The following RAD54L2 variants were observed in gnomAD, a reference collection of about 807,000 sequenced individuals.
RAD54L2 encodes RAD54 like 2.
In RAD54L2, 27 loss-of-function variants were observed where a neutral mutation model predicts 138.4. That is an observed-to-expected ratio of 0.20 (90% CI 0.14 to 0.27). RAD54L2 has a LOEUF of 0.27. Ranked by LOEUF, RAD54L2 falls within the 10% of genes least tolerant of loss-of-function variation. The pLI, the probability that RAD54L2 is intolerant of heterozygous loss-of-function variation, is 1.00. For synonymous variants in RAD54L2, 644 were observed against 723.2 expected, an observed-to-expected ratio of 0.89 and a Z score of 1.76; for missense variants, 1,396 against 1,890.2, an observed-to-expected ratio of 0.74 and a Z score of 4.85.
chr3:51,625,254 A>G (rs910382535), intron 3 of RAD54L2, among the ~76,000 whole-genome samples: 1 of 152,102 alleles, frequency 6.6e-6, no homozygotes, highest in Admixed American at 6.5e-5. Flanking sequence ...CCCCATCTCT[A>G]CTAAAAATAC....
intron 1 of RAD54L2, chr3:51,541,180 G>C (rs1409328602): frequency 6.6e-6 from 1 of 152,068 alleles, no homozygotes; most frequent in Non-Finnish European, 1.5e-5. Context: ...CATTTTGTTA[G>C]TGGTAGTTCC....
intron 2 of RAD54L2, among the ~76,000 whole-genome samples, chr3:51,585,021 G>T (rs1476977923): frequency 6.6e-6 from 1 of 151,240 alleles, no homozygotes; most frequent in African/African-American, 2.4e-5. Context: ...GCCCAGCCCA[G>T]GCTGGTCTCA....
rs1455796767 is a variant in RAD54L2, at chr3:51,663,181, C to T, written c.4165C>T (p.Pro1389Ser). 6 of 1,614,022 alleles carry T rather than the reference C, an allele frequency of 3.7e-6. No homozygotes were observed. In the Admixed American group the frequency reaches 6.7e-5, roughly 18 times the overall value. ...CAGCTATTCACTCCCATTCTCACAG[C>T]CACTCCTGTCCGAGCCGAGGATGTT... ...LPSYSLPFSQ[P>S]LLSEPRMFAP... Residue 1389 changes from proline to serine, a missense_variant, in exon 23 of 23, where the codon CCA (proline) becomes TCA (serine). Around this residue, in one of 7 missense-constraint regions of RAD54L2, gnomAD observed 634 missense variants for 711.2 expected, o/e 0.89. Coordinates refer to ENST00000684192, the MANE Select transcript of RAD54L2 (RefSeq NM_015106.4).
chr3:51,555,015 G>T (rs546430473), intron 2 of RAD54L2, among the ~76,000 whole-genome samples: 1 of 151,934 alleles, frequency 6.6e-6, no homozygotes, highest in African/African-American at 2.4e-5. Context: ...GCTAATTTTT[G>T]TATTTTTTAT....
intron 2 of RAD54L2, among the ~76,000 whole-genome samples, chr3:51,585,696 T>C (rs1699693904): frequency 6.6e-6 from 1 of 152,202 alleles, no homozygotes; most frequent in Non-Finnish European, 1.5e-5. Context: ...TCTTCATAAT[T>C]ACAGCCTCCT....
chr3:51,576,858 G>T (rs569287823), intron 2 of RAD54L2, among the ~76,000 whole-genome samples: 83 of 151,812 alleles, frequency 5.5e-4, no homozygotes, highest in South Asian at 8.3e-4. Context: ...CTTCAGTTCT[G>T]CTCTGATCTA....
intron 2 of RAD54L2, 83 bp from the exon 3 acceptor site, chr3:51,590,284 C>A: frequency 9.4e-7 from 1 of 1,064,034 alleles, no homozygotes; most frequent in Non-Finnish European, 1.3e-6. Flanking sequence ...AGCCACTGTG[C>A]CCAGCTAGCA....
chr3:51,540,251 T>G (rs1345147748), intron 1 of RAD54L2, among the ~76,000 whole-genome samples: 2 of 152,238 alleles, frequency 1.3e-5, no homozygotes, highest in Non-Finnish European at 2.9e-5. Context: ...TTAAATGGTC[T>G]TTCCATCCTT....
intron 3 of RAD54L2, among the ~76,000 whole-genome samples, chr3:51,612,922 A>C (rs1159826636): frequency 6.6e-6 from 1 of 152,060 alleles, no homozygotes; most frequent in African/African-American, 2.4e-5. Context: ...ATTTTAGTAG[A>C]AAAGGCATGT....
At position 51,625,693 on chromosome 3, in the gene RAD54L2, T is replaced by C. The variant is rs188003165; in HGVS notation, c.140-1860T>C. Among the ~76,000 whole-genome samples, 17 of 151,516 alleles carry C rather than the reference T, an allele frequency of 1.1e-4. No homozygotes were observed. In the East Asian group the frequency reaches 3.1e-3, roughly 28 times the overall value. On this transcript the variant is annotated intron_variant, in intron 3 of 22. Coordinates refer to ENST00000684192, the MANE Select transcript of RAD54L2 (RefSeq NM_015106.4). ...GGCCAACATATCGAGACCTTGTCTCTACAAAAAAGAAAAAAAAAATTAGCT... is the reference window on the plus strand; with the variant it reads ...GGCCAACATATCGAGACCTTGTCTCCACAAAAAAGAAAAAAAAAATTAGCT...
In RAD54L2 at chr3:51,592,637, C is replaced by T. The variant is rs568313144; in HGVS notation, c.139+2078C>T. Among the ~76,000 whole-genome samples, 213 of 151,366 alleles carry T rather than the reference C, an allele frequency of 1.4e-3. 1 individual carries two copies. Among genetic ancestry groups the T allele is most frequent in the Non-Finnish European group, 2.5e-3 (173 of 67,870 alleles). ...TGGCCCTGGCTGGAGTGCAATGGCG[C>T]GATCTCGGCTCACTGCAACCTCCGC... On this transcript the variant is annotated intron_variant, in intron 3 of 22. Coordinates refer to ENST00000684192, the MANE Select transcript of RAD54L2 (RefSeq NM_015106.4).
intron 10 of RAD54L2, among the ~76,000 whole-genome samples, chr3:51,636,159 A>G (rs781465878): frequency 1.4e-4 from 22 of 152,254 alleles, no homozygotes; most frequent in Admixed American, 7.2e-4. Context: ...TATAAAGACA[A>G]AGTAGTAATA....
intron 2 of RAD54L2, among the ~76,000 whole-genome samples, chr3:51,550,549 G>A (rs551913765): frequency 6.6e-6 from 1 of 152,180 alleles, no homozygotes; most frequent in Admixed American, 6.5e-5. Flanking sequence ...GATTGCTTAA[G>A]TCCGGGATTT....
chr3:51,636,662 G>A (rs942526889), intron 10 of RAD54L2, among the ~76,000 whole-genome samples: 5 of 152,216 alleles, frequency 3.3e-5, no homozygotes, highest in African/African-American at 9.7e-5. Context: ...GGAAAGGAAC[G>A]GAACGGGGGA....
In RAD54L2 at chr3:51,657,635, T is replaced by C. The variant is rs1424795864; in HGVS notation, c.3282T>C (p.Ala1094=). 1 of 1,583,112 alleles carries C rather than the reference T, an allele frequency of 6.3e-7. No homozygotes were observed. The highest frequency in any genetic ancestry group is 8.6e-7 in the Non-Finnish European group (1 of 1,162,488). The change falls in exon 21 of 23, where the codon GCT becomes GCC. Residue 1094 remains alanine, a synonymous_variant. Coordinates refer to ENST00000684192, the MANE Select transcript of RAD54L2 (RefSeq NM_015106.4). ...SSTDVQARIN[A]GESIHIIRGT... ...CAGATGTACAGGCAAGAATTAATGCTGGTGAGAGCATCCACATCATCCGTG... is the reference window on the plus strand; with the variant it reads ...CAGATGTACAGGCAAGAATTAATGCCGGTGAGAGCATCCACATCATCCGTG...
At chr3:51,551,837 C>G (rs1202467171) in intron 2 of RAD54L2, among the ~76,000 whole-genome samples, 1 of 151,770 alleles carries the variant, frequency 6.6e-6, no homozygotes, top group Non-Finnish European at 1.5e-5. Flanking sequence ...ACTGCAACCT[C>G]CATCTCCTGG....
chr3:51,562,037 T>G (rs996015057), intron 2 of RAD54L2, among the ~76,000 whole-genome samples: 1 of 144,964 alleles, frequency 6.9e-6, no homozygotes, highest in Non-Finnish European at 1.5e-5. Context: ...CCCAGTTAAT[T>G]TTTTTTTTTT....
chr3:51,643,506 G>A (rs1220556999), intron 15 of RAD54L2, among the ~76,000 whole-genome samples: 2 of 152,124 alleles, frequency 1.3e-5, no homozygotes, highest in African/African-American at 4.8e-5. Context: ...AAAACCCTTA[G>A]TCCTGCACTC....
At chr3:51,576,848 C>T (rs1577398876) in intron 2 of RAD54L2, among the ~76,000 whole-genome samples, 1 of 152,066 alleles carries the variant, frequency 6.6e-6, no homozygotes, top group Non-Finnish European at 1.5e-5. Context: ...TCTCTATTTC[C>T]TTCAGTTCTG....
Sources: allele counts gnomAD v4.1 joint callset (sites outside exome capture counted in the v4.1 genomes callset), GRCh38; gene constraint gnomAD v4.1.1; regional missense constraint gnomAD v4.1.1; transcripts MANE v1.5; gene names NCBI Gene and HGNC (gene_info 2026-07-23, HGNC 2026-07-21).